Variants in RGS7BP observed in about 807,000 individuals in gnomAD.
RGS7BP encodes the protein regulator of G protein signaling 7 binding protein, also known as regulator of G protein signaling 7-binding protein.
Under a neutral mutation model 31.3 loss-of-function variants are expected in RGS7BP, and 9 were observed. The ratio of observed to expected loss-of-function variants is 0.29; its 90% CI spans 0.17 to 0.50. The LOEUF is 0.50. Among genes scored for constraint, RGS7BP ranks in the 20% least tolerant of loss-of-function variants. The pLI, the probability that RGS7BP is intolerant of heterozygous loss-of-function variation, is 0.98. For missense variants in RGS7BP, 274 were observed against 322.0 expected (o/e 0.85, Z 1.14); for synonymous variants, 115 against 120.1 (o/e 0.96, Z 0.28).
At chr5:64,553,171 CTTTTTTTTTT>C (rs542252038) in intron 2 of RGS7BP, among the ~76,000 whole-genome samples, 1 of 118,236 alleles carries the variant, frequency 8.5e-6, no homozygotes, top group African/African-American at 3.2e-5. Context: ...TTCTTTCTTT[CTTTTTTTTTT>C]TTTTTTTTTG....
At chr5:64,527,189 T>C (rs995334758) in intron 2 of RGS7BP, among the ~76,000 whole-genome samples, 2 of 152,222 alleles carry the variant, frequency 1.3e-5, no homozygotes, top group Admixed American at 6.5e-5. Context: ...CTGAGAGGGT[T>C]CTAGGACAGC....
intron 3 of RGS7BP, among the ~76,000 whole-genome samples, chr5:64,583,594 A>G (rs1742661053): frequency 6.6e-6 from 1 of 152,178 alleles, no homozygotes; most frequent in South Asian, 2.1e-4. Flanking sequence ...TTGAAATAGA[A>G]TGGATGATGA....
At position 64,609,308 on chromosome 5, in the gene RGS7BP, G is replaced by A. The variant is rs1351775459; in HGVS notation, c.*56G>A. On this transcript the variant is annotated 3_prime_UTR_variant, in exon 6 of 6. Coordinates refer to ENST00000334025, the MANE Select transcript of RGS7BP (RefSeq NM_001029875.3). ...TCTGAAAAAAAATCACAAAACCCGA[G>A]GACCTCCAGACAGCTGAACCACACA... is the stretch of plus-strand genomic sequence containing the variant. 1.0e-6 allele frequency: 1 copy of A among 982,910 alleles called. No individual in the cohort carries two copies. The highest frequency in any genetic ancestry group is 1.7e-5 in the Admixed American group (1 of 58,822). 60.9% of individuals were successfully genotyped at this position (982,910 alleles called of 1,614,324 possible). A position where few individuals can be genotyped will look rare whatever the true frequency, so the allele number is the denominator to read the frequency against.
chr5:64,583,654 C>T (rs965390569), intron 3 of RGS7BP, among the ~76,000 whole-genome samples: 1 of 152,134 alleles, frequency 6.6e-6, no homozygotes, highest in Non-Finnish European at 1.5e-5. Context: ...GGTCAAAGTT[C>T]TCTAAGGAGA....
intron 2 of RGS7BP, among the ~76,000 whole-genome samples, chr5:64,508,513 T>C (rs1748754179): frequency 6.6e-6 from 1 of 152,258 alleles, no homozygotes; most frequent in Non-Finnish European, 1.5e-5. Context: ...ATCGTTTTTC[T>C]AGCCTGTATT....
chr5:64,506,045 A>G lies in RGS7BP; in HGVS notation c.-580A>G, dbSNP rs1170472638. On this transcript the variant is annotated 5_prime_UTR_variant, in exon 1 of 6. Coordinates refer to ENST00000334025, the MANE Select transcript of RGS7BP (RefSeq NM_001029875.3). The surrounding 1 kb of genome is among the most constrained non-coding windows in gnomAD (Gnocchi z 4.6). ...CGCCACAGATTCATCTGGGATCTTCAAACAGACAAGCCCTTAGAGACGAGG... is the reference window on the plus strand; with the variant it reads ...CGCCACAGATTCATCTGGGATCTTCGAACAGACAAGCCCTTAGAGACGAGG... 6.6e-6 allele frequency among the ~76,000 whole-genome samples: 1 copy of G among 152,082 alleles called. No individual in the cohort carries two copies. The highest frequency in any genetic ancestry group is 2.4e-5 in the African/African-American group (1 of 41,396).
At chr5:64,599,065 A>T in intron 5 of RGS7BP, among the ~76,000 whole-genome samples, 1 of 152,166 alleles carries the variant, frequency 6.6e-6, no homozygotes, top group East Asian at 1.9e-4. Flanking sequence ...TGTTCACTAG[A>T]ATGAGGGAAA....
chr5:64,582,420 C>T (rs1450097581), intron 3 of RGS7BP, among the ~76,000 whole-genome samples: 2 of 152,350 alleles, frequency 1.3e-5, no homozygotes, highest in Middle Eastern at 3.4e-3. Flanking sequence ...CTCCCCTTCA[C>T]ATGTGAACCT....
In RGS7BP at chr5:64,611,458, TA is replaced by T. The variant is rs1466789741; in HGVS notation, c.*2208del. The stretch of plus-strand genomic sequence containing the variant: ...TCTCACCTTAGCCTCAGTGTGAAAG[TA>T]ACACTTACCTTCTGTGCAATTGTCC... On this transcript the variant is annotated 3_prime_UTR_variant, in exon 6 of 6. Transcript: ENST00000334025. 1 of 152,220 alleles carries T rather than the reference TA, an allele frequency of 6.6e-6. No homozygotes were observed. Among genetic ancestry groups the T allele is most frequent in the Non-Finnish European group, 1.5e-5 (1 of 67,858 alleles). The allele number at this position is 152,220 out of a possible 1,614,324, so 9.4% of individuals were successfully genotyped here. A position where few individuals can be genotyped will look rare whatever the true frequency, so the allele number is the denominator to read the frequency against.
chr5:64,526,992 C>T (rs1241213216), intron 2 of RGS7BP, among the ~76,000 whole-genome samples: 1 of 152,214 alleles, frequency 6.6e-6, no homozygotes, highest in Non-Finnish European at 1.5e-5. Context: ...AGAAGCACTT[C>T]TCTTCCAATG....
chr5:64,511,753 G>A (rs548402090), intron 2 of RGS7BP, among the ~76,000 whole-genome samples: 3 of 152,320 alleles, frequency 2.0e-5, no homozygotes, highest in African/African-American at 7.2e-5. Context: ...GAAGATTTTG[G>A]AGTCAGGCAG....
In RGS7BP at chr5:64,542,386, T is replaced by TG. The variant is rs948006112; in HGVS notation, c.333-33383dup. ...TTTTTTAAAAAATGCCATTTTGGTT[T>TG]GGGGGTTCCCAGTTTTATATTCCTT... is the stretch of plus-strand genomic sequence containing the variant. On this transcript the variant is annotated intron_variant, in intron 2 of 5. Transcript: ENST00000334025. Among the ~76,000 whole-genome samples the TG allele has an allele frequency of 4.7e-4, 72 of 152,332 alleles. 1 individual carries two copies. Among genetic ancestry groups the TG allele is most frequent in the African/African-American group, 1.5e-3 (63 of 41,582 alleles).
At chr5:64,512,998 G>A (rs1561318340) in intron 2 of RGS7BP, among the ~76,000 whole-genome samples, 2 of 152,210 alleles carry the variant, frequency 1.3e-5, no homozygotes, top group African/African-American at 4.8e-5. Context: ...CAAAATGACA[G>A]TGTTACATTG....
chr5:64,519,923 C>G (rs1465505181), intron 2 of RGS7BP, among the ~76,000 whole-genome samples: 2 of 151,966 alleles, frequency 1.3e-5, no homozygotes, highest in African/African-American at 4.8e-5. Flanking sequence ...ATTATTTCAC[C>G]AACTCAAGAA....
At chr5:64,602,347 A>T (rs546883201) in intron 5 of RGS7BP, among the ~76,000 whole-genome samples, 2 of 152,344 alleles carry the variant, frequency 1.3e-5, no homozygotes, top group Admixed American at 1.3e-4. Context: ...CAATTTCTGC[A>T]ATCTCTTGTC....
chr5:64,534,577 C>T (rs111597110), intron 2 of RGS7BP, among the ~76,000 whole-genome samples: 41 of 152,192 alleles, frequency 2.7e-4, no homozygotes, highest in African/African-American at 9.6e-4. Context: ...AGAAACAAGT[C>T]GGTCTGAGTA....
intron 5 of RGS7BP, among the ~76,000 whole-genome samples, chr5:64,605,666 C>T (rs181206898): frequency 6.6e-5 from 10 of 152,092 alleles, no homozygotes; most frequent in Admixed American, 5.9e-4. Flanking sequence ...TTACCTCAGC[C>T]TTAGGTGATA....
chr5:64,577,201 G>A (rs933615155), intron 3 of RGS7BP, among the ~76,000 whole-genome samples: 1 of 152,222 alleles, frequency 6.6e-6, no homozygotes, highest in Non-Finnish European at 1.5e-5. Context: ...CGCTTTGGGA[G>A]GCTGAGGCGG....
chr5:64,594,215 G>A (rs916341293), intron 3 of RGS7BP, among the ~76,000 whole-genome samples: 1 of 152,152 alleles, frequency 6.6e-6, no homozygotes. Context: ...GGAATTGGAA[G>A]ACACCTGCAT....
Sources: gnomAD v4.1 joint callset for allele counts (sites outside exome capture counted in the v4.1 genomes callset) on GRCh38, gnomAD v4.1.1 for gene constraint, Gnocchi (gnomAD v3.1) non-coding constraint, MANE v1.5 for transcripts, NCBI Gene and HGNC (gene_info 2026-07-23, HGNC 2026-07-21) for gene names.